Variants in SETX observed in about 807,000 individuals in gnomAD.
SETX encodes the protein senataxin.
SETX carries 90 observed loss-of-function variants against 227.2 expected under a neutral mutation model. The ratio of observed to expected loss-of-function variants is 0.40; its 90% CI spans 0.33 to 0.47. The LOEUF is 0.47. SETX is among the 20% of genes least tolerant of loss of function. SETX has a pLI of 0.91. For missense variants in SETX, 3,052 were observed against 3,181.5 expected (o/e 0.96, Z 0.98); for synonymous variants, 1,210 against 1,113.2 (o/e 1.09, Z -1.73).
At chr9:132,354,123 C>G (rs1371094492) in intron 1 of SETX, among the ~76,000 whole-genome samples, 1 of 152,184 alleles carries the variant, frequency 6.6e-6, no homozygotes, top group Non-Finnish European at 1.5e-5. Flanking sequence ...TCACTTGGGT[C>G]GTGCAAATTG....
intron 25 of SETX, among the ~76,000 whole-genome samples, chr9:132,265,561 C>T (rs780690306): frequency 3.3e-5 from 5 of 152,052 alleles, no homozygotes; most frequent in Admixed American, 6.5e-5. Context: ...TCAACTGCAA[C>T]GCAGGTCTGC....
chr9:132,350,555 AT>A (rs1331471607), intron 2 of SETX, among the ~76,000 whole-genome samples: 1 of 152,192 alleles, frequency 6.6e-6, no homozygotes, highest in African/African-American at 2.4e-5. Flanking sequence ...AAATAAAGTG[AT>A]TTTTTAAAAT....
chr9:132,335,754 C>T (rs1847574618), intron 6 of SETX, among the ~76,000 whole-genome samples: 1 of 151,930 alleles, frequency 6.6e-6, no homozygotes, highest in Admixed American at 6.5e-5. Flanking sequence ...AAACAAGATT[C>T]GATTCATTTG....
chr9:132,284,745 G>C (rs149660741), intron 18 of SETX, among the ~76,000 whole-genome samples: 1 of 151,888 alleles, frequency 6.6e-6, no homozygotes, highest in African/African-American at 2.4e-5. Context: ...TTCTTTTGCC[G>C]AATTCTGCCC....
rs141484261 is a variant in SETX at position 132,295,689 on chromosome 9, ACCTGGCACAGGC to A, written c.6106+171_6106+182del. The stretch of plus-strand genomic sequence containing the variant: ...AAGACTTCACTGATGAAACCTCAGT[ACCTGGCACAGGC>A]CCTGGCACAGGGTAAATGTTCAATG... On this transcript the variant is annotated intron_variant, in intron 15 of 25. Coordinates refer to ENST00000224140, the MANE Select transcript of SETX (RefSeq NM_015046.7). Among the ~76,000 whole-genome samples the A allele has an allele frequency of 7.9e-3, 1,210 of 152,334 alleles. 16 individuals carry two copies. Among genetic ancestry groups the A allele is most frequent in the African/African-American group, 0.027 (1,129 of 41,572 alleles).
chr9:132,306,510 C>A (rs1381018998), intron 11 of SETX, among the ~76,000 whole-genome samples: 1 of 152,148 alleles, frequency 6.6e-6, no homozygotes, highest in South Asian at 2.1e-4. Context: ...CTGTGCCCAG[C>A]CGAGTCTACT....
In SETX at chr9:132,261,705, T is replaced by TG. The variant is rs1842419991; in HGVS notation, c.*2533_*2534insC. The TG allele has an allele frequency of 6.5e-6, 1 of 153,690 alleles. No homozygotes were observed. The allele number at this position is 153,690 out of a possible 1,614,324, so 9.5% of individuals were successfully genotyped here. On this transcript the variant is annotated 3_prime_UTR_variant, in exon 26 of 26. Transcript: ENST00000224140. Reference sequence around the variant, plus strand: ...TTTACAGGAGGTTATTCACATGTACTTGTCAAATTTACTCCTGATAATTCA... The same window carrying TG: ...TTTACAGGAGGTTATTCACATGTACTGTGTCAAATTTACTCCTGATAATTCA...
intron 25 of SETX, among the ~76,000 whole-genome samples, chr9:132,265,225 T>TG (rs55807823): frequency 2.0e-5 from 1 of 49,622 alleles, no homozygotes; most frequent in Non-Finnish European, 3.1e-5. Context: ...TCAACTTTTG[T>TG]TTTTTTTTTT....
At chr9:132,349,563 T>G in intron 2 of SETX, 128 bp from the exon 3 acceptor site, 1 of 891,508 alleles carries the variant, frequency 1.1e-6, no homozygotes, top group Non-Finnish European at 1.8e-6. Context: ...CCAAATCTTC[T>G]GCTGGCTGGC....
Position 132,327,556 on chromosome 9 carries a change from GTTC to G in SETX, c.4039_4041del (p.Glu1347del), listed in dbSNP as rs745615965. 1 of 1,614,038 alleles carries G rather than the reference GTTC, an allele frequency of 6.2e-7. No homozygotes were observed. The highest frequency in any genetic ancestry group is 1.1e-5 in the South Asian group (1 of 91,082). The stretch of plus-strand genomic sequence containing the variant: ...GGTCTGATCTGCCTTTGCATCTGAA[GTTC>G]TTGACTAGTCAGAAGTTTCTTATTA... On this transcript the variant is annotated inframe_deletion, in exon 10 of 26. Coordinates refer to ENST00000224140, the MANE Select transcript of SETX (RefSeq NM_015046.7).
intron 10 of SETX, among the ~76,000 whole-genome samples, chr9:132,323,835 T>C (rs1846531864): frequency 6.6e-6 from 1 of 151,906 alleles, no homozygotes; most frequent in East Asian, 1.9e-4. Context: ...GCCAAGAGGT[T>C]GAGGCTGCAG....
Position 132,288,115 on chromosome 9 carries a change from G to A in SETX, c.6324+121C>T, listed in dbSNP as rs1844031626. 9.3e-6 allele frequency: 7 copies of A among 755,570 alleles called. No individual in the cohort carries two copies. The South Asian group carries it at 1.1e-4, about 11-fold the overall frequency. The allele number at this position is 755,570 out of a possible 1,614,324, so 46.8% of individuals were successfully genotyped here. A position where few individuals can be genotyped will look rare whatever the true frequency, so the allele number is the denominator to read the frequency against. On this transcript the variant is annotated intron_variant, in intron 17 of 25. Transcript: ENST00000224140. Reference sequence around the variant, plus strand: ...CACCTGAACCCAGGAAGGTGAGGCTGCAGTGAGTCAGGATTGTGCTACTGC... The same window carrying A: ...CACCTGAACCCAGGAAGGTGAGGCTACAGTGAGTCAGGATTGTGCTACTGC...
At chr9:132,278,971 A>G (rs1016534413) in intron 20 of SETX, among the ~76,000 whole-genome samples, 3 of 152,230 alleles carry the variant, frequency 2.0e-5, no homozygotes, top group Non-Finnish European at 2.9e-5. Context: ...AACAGACTCG[A>G]CTTATGTGTT....
rs551246253 is a variant in SETX, at chr9:132,263,682, T to G, written c.*557A>C. The G allele has an allele frequency of 1.9e-5, 3 of 154,092 alleles. No homozygotes were observed. The East Asian group carries it at 5.8e-4, about 30-fold the overall frequency. The allele number at this position is 154,092 out of a possible 1,614,324, so 9.5% of individuals were successfully genotyped here. ...GACTCCAGGTTTTTGGGGGGGTTTT[T>G]GCTTTTTTTAATAGAGCCAGAGACA... On this transcript the variant is annotated 3_prime_UTR_variant, in exon 26 of 26. Coordinates refer to ENST00000224140, the MANE Select transcript of SETX (RefSeq NM_015046.7).
At position 132,336,278 on chromosome 9, in the gene SETX, T is replaced by C. The variant is rs773630853; in HGVS notation, c.718+18A>G. 1 of 1,575,780 alleles carries C rather than the reference T, an allele frequency of 6.3e-7. No individual in the cohort carries two copies. Among genetic ancestry groups the C allele is most frequent in the Admixed American group, 1.7e-5 (1 of 59,936 alleles). On this transcript the variant is annotated intron_variant, in intron 6 of 25. Coordinates refer to ENST00000224140, the MANE Select transcript of SETX (RefSeq NM_015046.7). ...TATACGAAAATACCAATTATATTAGTGTAGGAATAATACTCACCTAACCAA... is the reference window on the plus strand; with the variant it reads ...TATACGAAAATACCAATTATATTAGCGTAGGAATAATACTCACCTAACCAA...
intron 11 of SETX, among the ~76,000 whole-genome samples, chr9:132,305,499 C>T (rs894845732): frequency 3.9e-5 from 6 of 151,926 alleles, no homozygotes; most frequent in Non-Finnish European, 5.9e-5. Context: ...AAACATGAGA[C>T]GCCACCTTAA....
intron 18 of SETX, among the ~76,000 whole-genome samples, chr9:132,285,522 G>T (rs1843807137): frequency 2.6e-5 from 4 of 152,014 alleles, no homozygotes; most frequent in Admixed American, 2.0e-4. Flanking sequence ...CGAGACGGGG[G>T]ATGACTTGAG....
In SETX at chr9:132,262,353, T is replaced by G. The variant is rs1438305536; in HGVS notation, c.*1886A>C. The G allele has an allele frequency of 6.6e-6, 1 of 152,218 alleles. No homozygotes were observed. The highest frequency in any genetic ancestry group is 1.5e-5 in the Non-Finnish European group (1 of 68,048). The allele number at this position is 152,218 out of a possible 1,614,324, so 9.4% of individuals were successfully genotyped here. On this transcript the variant is annotated 3_prime_UTR_variant, in exon 26 of 26. Coordinates refer to ENST00000224140, the MANE Select transcript of SETX (RefSeq NM_015046.7). ...CTCCCTTTAGAAGCTTAGGAGTTTG[T>G]ACATTCCCTAAGTGGTCAGCACTAC...
intron 10 of SETX, among the ~76,000 whole-genome samples, chr9:132,321,783 G>A (rs1248807123): frequency 6.6e-6 from 1 of 151,996 alleles, no homozygotes; most frequent in Non-Finnish European, 1.5e-5. Context: ...AAGAGGCAGA[G>A]GTTGCGGTGA....
Sources: gnomAD v4.1 joint callset for allele counts (sites outside exome capture counted in the v4.1 genomes callset) on GRCh38, gnomAD v4.1.1 for gene constraint, MANE v1.5 for transcripts, NCBI Gene and HGNC (gene_info 2026-07-23, HGNC 2026-07-21) for gene names.